Variants in UGT1A6 observed in about 807,000 individuals in gnomAD.
The protein encoded by UGT1A6 is UDP-glucuronosyltransferase 1A6.
Under a neutral mutation model 44.4 loss-of-function variants are expected in UGT1A6, and 32 were observed. The ratio of observed to expected loss-of-function variants is 0.72; its 90% CI spans 0.54 to 0.97. UGT1A6 has a LOEUF of 0.97. Ranked by LOEUF, UGT1A6 falls within the 50% of genes least tolerant of loss-of-function variation. The pLI is 0.00. For synonymous variants in UGT1A6, 238 were observed against 248.5 expected, an observed-to-expected ratio of 0.96 and a Z score of 0.40; for missense variants, 685 against 661.9, an observed-to-expected ratio of 1.03 and a Z score of -0.38.
Position 233,739,559 on chromosome 2 carries a change from G to A in UGT1A6, c.862-27475G>A, listed in dbSNP as rs1322307786. On this transcript the variant is annotated intron_variant, in intron 1 of 4. Coordinates refer to ENST00000305139, the MANE Select transcript of UGT1A6 (RefSeq NM_001072.4). ...TTTGGAGCTTTAAGATTTAATGACTGCCCTGCCTGGTTTTGGACTTGCATG... is the reference window on the plus strand; with the variant it reads ...TTTGGAGCTTTAAGATTTAATGACTACCCTGCCTGGTTTTGGACTTGCATG... 2.6e-5 allele frequency among the ~76,000 whole-genome samples: 4 copies of A among 152,224 alleles called. No homozygotes were observed. In the South Asian group the frequency reaches 8.3e-4, roughly 31 times the overall value.
At chr2:233,720,365 G>T (rs920594093) in intron 1 of UGT1A6, among the ~76,000 whole-genome samples, 1 of 152,064 alleles carries the variant, frequency 6.6e-6, no homozygotes, top group Non-Finnish European at 1.5e-5. Flanking sequence ...ATGTCAAAAG[G>T]GTCTTCTACT....
intron 1 of UGT1A6, among the ~76,000 whole-genome samples, chr2:233,698,921 G>A (rs959017341): frequency 2.6e-5 from 4 of 152,334 alleles, no homozygotes; most frequent in East Asian, 3.9e-4. Flanking sequence ...GGACGTGGCC[G>A]TCTCAGAGGG....
chr2:233,719,597 G>C, intron 1 of UGT1A6: 3 of 1,613,960 alleles, frequency 1.9e-6, no homozygotes, highest in Non-Finnish European at 2.5e-6. Flanking sequence ...TGTTCCGAGG[G>C]GACTTTGTGA....
chr2:233,707,436 T>G (rs186781639), intron 1 of UGT1A6, among the ~76,000 whole-genome samples: 70 of 152,298 alleles, frequency 4.6e-4, no homozygotes, highest in Non-Finnish European at 8.1e-4. Context: ...TGCTTTTCTT[T>G]ACAATTTTGC....
intron 1 of UGT1A6, chr2:233,729,420 A>G (rs2077855113): frequency 5.6e-6 from 9 of 1,613,854 alleles, no homozygotes; most frequent in Middle Eastern, 1.7e-4. Flanking sequence ...GCCACACTCA[A>G]CTGTACTTTG....
chr2:233,699,313 G>A (rs1398593623), intron 1 of UGT1A6, among the ~76,000 whole-genome samples: 1 of 151,996 alleles, frequency 6.6e-6, no homozygotes, highest in Non-Finnish European at 1.5e-5. Context: ...TGTCCTTTTT[G>A]CTATTTTGTT....
intron 1 of UGT1A6, chr2:233,719,540 G>A (rs1488835292): frequency 1.9e-6 from 3 of 1,613,770 alleles, no homozygotes; most frequent in Non-Finnish European, 1.7e-6. Flanking sequence ...AGCTTTTTCA[G>A]AGAGAGGTGT....
intron 1 of UGT1A6, chr2:233,747,600 G>T: frequency 6.3e-7 from 1 of 1,575,586 alleles, no homozygotes; most frequent in Non-Finnish European, 8.7e-7. Context: ...GTCTTGTGTG[G>T]AGCTACTGCA....
intron 1 of UGT1A6, among the ~76,000 whole-genome samples, chr2:233,766,662 C>T (rs911110190): frequency 3.9e-5 from 6 of 152,180 alleles, no homozygotes; most frequent in Non-Finnish European, 8.8e-5. Flanking sequence ...GGACCACGCC[C>T]TTCCCAGCTC....
At chr2:233,722,926 T>C (rs2077050442) in intron 1 of UGT1A6, among the ~76,000 whole-genome samples, 1 of 129,968 alleles carries the variant, frequency 7.7e-6, no homozygotes, top group South Asian at 3.0e-4. Context: ...TCATCCTCAT[T>C]GTCTCCATGC....
At chr2:233,723,030 C>T (rs1559367712) in intron 1 of UGT1A6, among the ~76,000 whole-genome samples, 1 of 143,404 alleles carries the variant, frequency 7.0e-6, no homozygotes, top group Non-Finnish European at 1.5e-5. Context: ...GAAGGGCCAG[C>T]GGGAGAGGCA....
At chr2:233,760,848 C>T (rs1237758968) in intron 1 of UGT1A6, 1 of 1,613,934 alleles carries the variant, frequency 6.2e-7, no homozygotes, top group African/African-American at 1.3e-5. Flanking sequence ...CCCAGTGCCC[C>T]AACCCATTCT....
At chr2:233,748,104 T>A in intron 1 of UGT1A6, 2 of 1,612,628 alleles carry the variant, frequency 1.2e-6, no homozygotes, top group Non-Finnish European at 1.7e-6. Flanking sequence ...CTTCATCCAA[T>A]CAATGTTCCA....
intron 1 of UGT1A6, chr2:233,718,890 C>T (rs6755571): frequency 2.5e-6 from 4 of 1,613,968 alleles, no homozygotes; most frequent in East Asian, 2.2e-5. Flanking sequence ...CAGTGTCCAG[C>T]CCTGGGCTGA....
At chr2:233,737,874 C>A (rs1441437584) in intron 1 of UGT1A6, among the ~76,000 whole-genome samples, 1 of 152,148 alleles carries the variant, frequency 6.6e-6, no homozygotes, top group East Asian at 1.9e-4. Flanking sequence ...AAGAATTCCA[C>A]ATTAACAAAG....
intron 1 of UGT1A6, chr2:233,755,371 G>A (rs1695886794): frequency 2.8e-6 from 1 of 358,288 alleles, no homozygotes; most frequent in South Asian, 2.2e-5. Context: ...CCGCCTGGAG[G>A]GCCGCCCCTT....
At chr2:233,711,690 G>A (rs1409150978) in intron 1 of UGT1A6, among the ~76,000 whole-genome samples, 1 of 152,202 alleles carries the variant, frequency 6.6e-6, no homozygotes, top group Non-Finnish European at 1.5e-5. Flanking sequence ...TCTAATGGGG[G>A]TAACTTCCTC....
Position 233,712,979 on chromosome 2 carries a change from G to A in UGT1A6, c.861+19114G>A, listed in dbSNP as rs45540735. The A allele has an allele frequency of 3.7e-5, 59 of 1,613,170 alleles. 1 individual carries two copies. In the East Asian group the frequency reaches 7.8e-4, roughly 21 times the overall value. On this transcript the variant is annotated intron_variant, in intron 1 of 4. Transcript: ENST00000305139. Reference sequence around the variant, plus strand: ...GTGGGGTGGACAGTCAGCTGTCGGTGGCTTCTGCTGAGATGGCCACAGGAC... The same window carrying A: ...GTGGGGTGGACAGTCAGCTGTCGGTAGCTTCTGCTGAGATGGCCACAGGAC...
At chr2:233,720,705 T>C (rs1394556391) in intron 1 of UGT1A6, among the ~76,000 whole-genome samples, 4 of 134,894 alleles carry the variant, frequency 3.0e-5, no homozygotes, top group Admixed American at 7.2e-5. Context: ...GGAGCCATCC[T>C]TTTTTTTTTT....
Sources: allele counts gnomAD v4.1 joint callset (sites outside exome capture counted in the v4.1 genomes callset), GRCh38; gene constraint gnomAD v4.1.1; transcripts MANE v1.5; gene names NCBI Gene and HGNC (gene_info 2026-07-23, HGNC 2026-07-21).